The following PARPBP variants were observed in gnomAD, a reference collection of about 807,000 sequenced individuals.
PARPBP encodes the protein PCNA-interacting partner.
Under a neutral mutation model 50.0 loss-of-function variants are expected in PARPBP, and 52 were observed. That is an observed-to-expected ratio of 1.04 (90% confidence interval 0.83 to 1.31). The LOEUF (loss-of-function observed/expected upper bound fraction) is 1.31, where lower values mean the gene tolerates loss of function less well. Ranked by LOEUF, PARPBP falls within the 50% of genes most tolerant of loss-of-function variation. The pLI is 0.00. For synonymous variants in PARPBP, 244 were observed against 232.1 expected (o/e 1.05, Z -0.47); for missense variants, 697 against 672.0 (o/e 1.04, Z -0.41).
At chr12:102,125,003 T>C (rs1031438125) in intron 2 of PARPBP, among the ~76,000 whole-genome samples, 1 of 152,200 alleles carries the variant, frequency 6.6e-6, no homozygotes, top group African/African-American at 2.4e-5. Context: ...AAGTATAAAA[T>C]CTTAAAACAG....
intron 2 of PARPBP, among the ~76,000 whole-genome samples, chr12:102,132,336 T>G (rs1350471027): frequency 6.6e-6 from 1 of 152,224 alleles, no homozygotes; most frequent in Non-Finnish European, 1.5e-5. Flanking sequence ...AGTTGATTTT[T>G]GTAAAAGGGA....
intron 7 of PARPBP, among the ~76,000 whole-genome samples, chr12:102,176,268 C>T (rs1423438501): frequency 1.3e-5 from 2 of 152,192 alleles, no homozygotes; most frequent in Non-Finnish European, 2.9e-5. Flanking sequence ...AGGCATGAGC[C>T]ACCACGCCTG....
chr12:102,136,578 G>A (rs1883664583), intron 2 of PARPBP, among the ~76,000 whole-genome samples: 1 of 152,112 alleles, frequency 6.6e-6, no homozygotes, highest in Non-Finnish European at 1.5e-5. Flanking sequence ...CTTTCTACTT[G>A]CTAATTTTCT....
chr12:102,192,344 TG>T (rs1890870309), intron 9 of PARPBP, among the ~76,000 whole-genome samples: 1 of 152,142 alleles, frequency 6.6e-6, no homozygotes, highest in African/African-American at 2.4e-5. Context: ...ATTCCCATTA[TG>T]TGTGGATAAG....
intron 1 of PARPBP, among the ~76,000 whole-genome samples, chr12:102,121,154 T>C (rs916519928): frequency 4.9e-4 from 74 of 152,294 alleles, no homozygotes; most frequent in African/African-American, 1.7e-3. Flanking sequence ...GTAAGGCTTA[T>C]GGCATAGGCT....
Position 102,164,531 on chromosome 12 carries a change from C to A in PARPBP, c.589C>A (p.Pro197Thr). Residue 197 changes from proline (P) to threonine (T), a missense_variant, in exon 5 of 11, where the codon CCT becomes ACT. By Grantham distance (38) the Pro-to-Thr change is conservative (BLOSUM62 -1). Coordinates refer to ENST00000327680, the MANE Select transcript of PARPBP (RefSeq NM_017915.5). ...DLAVAYILNI[P>T]DRGLGREAFT... ...GGCTGTGGCTTATATTCTCAATATT[C>A]CTGATAGAGGACTAGGAAGAGAAGC... is the stretch of plus-strand genomic sequence containing the variant. 2 of 1,611,952 alleles carry A rather than the reference C, an allele frequency of 1.2e-6. No individual in the cohort carries two copies. Among genetic ancestry groups the A allele is most frequent in the Non-Finnish European group, 1.7e-6 (2 of 1,178,156 alleles).
At chr12:102,154,839 C>G in intron 4 of PARPBP, 1 of 455,420 alleles carries the variant, frequency 2.2e-6, no homozygotes, top group South Asian at 1.6e-5. Flanking sequence ...CCTCCCAGTC[C>G]TGAAGAGATA....
chr12:102,144,711 T>C (rs1052954324), intron 2 of PARPBP, among the ~76,000 whole-genome samples: 2 of 152,128 alleles, frequency 1.3e-5, no homozygotes, highest in Non-Finnish European at 2.9e-5. Flanking sequence ...AGACTAAAAA[T>C]AGTGTTAGGA....
intron 2 of PARPBP, among the ~76,000 whole-genome samples, chr12:102,140,799 G>A (rs1884460225): frequency 6.6e-6 from 1 of 152,186 alleles, no homozygotes. Flanking sequence ...GGTTTTGAGT[G>A]AGTTTCTTAA....
intron 3 of PARPBP, among the ~76,000 whole-genome samples, chr12:102,149,793 A>G (rs1386349403): frequency 6.6e-6 from 1 of 152,206 alleles, no homozygotes; most frequent in Non-Finnish European, 1.5e-5. Context: ...ATATCCGCAC[A>G]CATGTACAAC....
At chr12:102,129,644 A>G (rs942549979) in intron 2 of PARPBP, among the ~76,000 whole-genome samples, 1 of 152,076 alleles carries the variant, frequency 6.6e-6, no homozygotes, top group Non-Finnish European at 1.5e-5. Context: ...ATGAGCCTGG[A>G]ATGTTTTTCC....
At chr12:102,137,200 G>A (rs181444295) in intron 2 of PARPBP, among the ~76,000 whole-genome samples, 1 of 152,048 alleles carries the variant, frequency 6.6e-6, no homozygotes, top group East Asian at 1.9e-4. Context: ...TGATCCACCC[G>A]CCTCGGCCTC....
intron 4 of PARPBP, among the ~76,000 whole-genome samples, chr12:102,163,939 T>A (rs1298888470): frequency 6.6e-6 from 1 of 152,192 alleles, no homozygotes; most frequent in East Asian, 1.9e-4. Context: ...TTGGTGACAA[T>A]TTCTGTTGAC....
intron 4 of PARPBP, among the ~76,000 whole-genome samples, chr12:102,163,523 A>T (rs2139549720): frequency 6.6e-6 from 1 of 152,132 alleles, no homozygotes; most frequent in African/African-American, 2.4e-5. Context: ...GTATTCATGT[A>T]TTTTTTCTAC....
chr12:102,182,236 G>T (rs907996507), intron 8 of PARPBP, among the ~76,000 whole-genome samples: 9 of 152,136 alleles, frequency 5.9e-5, no homozygotes, highest in African/African-American at 2.2e-4. Flanking sequence ...CATGATCATG[G>T]CGGTAAACAA....
intron 3 of PARPBP, chr12:102,152,064 C>G (rs546802824): frequency 8.6e-5 from 35 of 406,168 alleles, no homozygotes; most frequent in African/African-American, 6.5e-4. Context: ...TTCCTAAAAA[C>G]CAAAGAATGC....
At chr12:102,130,407 A>G (rs1382886645) in intron 2 of PARPBP, among the ~76,000 whole-genome samples, 1 of 152,206 alleles carries the variant, frequency 6.6e-6, no homozygotes, top group Non-Finnish European at 1.5e-5. Context: ...ATTAAACTAG[A>G]GAGCTTCTAC....
intron 6 of PARPBP, among the ~76,000 whole-genome samples, chr12:102,174,355 T>C (rs1475406492): frequency 6.6e-6 from 1 of 152,236 alleles, no homozygotes; most frequent in Non-Finnish European, 1.5e-5. Context: ...AATTTTCTTC[T>C]AACTTTCCTC....
chr12:102,158,087 C>T lies in PARPBP; in HGVS notation c.495+4111C>T, dbSNP rs974249879. 3.2e-4 allele frequency among the ~76,000 whole-genome samples: 44 copies of T among 138,312 alleles called. 2 individuals are homozygous for T. The highest frequency in any genetic ancestry group is 1.1e-4 in the Non-Finnish European group (7 of 65,934). The allele number at this position is 138,312 out of a possible 152,430, so 90.7% of individuals were successfully genotyped here. ...AGTGAGCCGAGATGGTGCCACTGCA[C>T]TCCAGCCTGGGAGGGAGTGCGAGAC... On this transcript the variant is annotated intron_variant, in intron 4 of 10. Coordinates refer to ENST00000327680, the MANE Select transcript of PARPBP (RefSeq NM_017915.5).
Sources: gnomAD v4.1 joint callset for allele counts (sites outside exome capture counted in the v4.1 genomes callset) on GRCh38, gnomAD v4.1.1 for gene constraint, MANE v1.5 for transcripts, NCBI Gene and HGNC (gene_info 2026-07-23, HGNC 2026-07-21) for gene names.